FBN2: variants seen among roughly 807,000 people sequenced by gnomAD.
The protein encoded by FBN2 is fibrillin 2.
A neutral mutation model predicts 355.6 loss-of-function variants in FBN2; 105 were observed. The observed-to-expected ratio is 0.30, with a 90% CI of 0.25 to 0.35. The LOEUF is 0.35. Ranked by LOEUF, FBN2 falls within the 10% of genes least tolerant of loss-of-function variation. FBN2 has a pLI of 1.00. For missense variants in FBN2, 3,280 were observed against 3,758.7 expected, an observed-to-expected ratio of 0.87 and a Z score of 3.33; for synonymous variants, 1,350 against 1,301.2, an observed-to-expected ratio of 1.04 and a Z score of -0.81.
chr5:128,407,644 T>C (rs551457563), intron 8 of FBN2, among the ~76,000 whole-genome samples: 158 of 152,352 alleles, frequency 1.0e-3, no homozygotes, highest in African/African-American at 3.7e-3. Context: ...AGGCAGGATT[T>C]GTATCTCTTA....
At chr5:128,279,423 A>G (rs1406056445) in intron 56 of FBN2, among the ~76,000 whole-genome samples, 1 of 152,164 alleles carries the variant, frequency 6.6e-6, no homozygotes, top group Non-Finnish European at 1.5e-5. Flanking sequence ...TACACTTTAT[A>G]TGTAGGTTAC....
In FBN2 at chr5:128,330,653, T is replaced by C. The variant is rs763753258; in HGVS notation, c.4265A>G (p.Asn1422Ser). 5 of 1,613,762 alleles carry C rather than the reference T, an allele frequency of 3.1e-6. No homozygotes were observed. Among genetic ancestry groups the C allele is most frequent in the Non-Finnish European group, 4.2e-6 (5 of 1,179,796 alleles). The change falls in exon 33 of 65, where the codon AAT becomes AGT. Residue 1422 changes from asparagine to serine, a missense_variant. By Grantham distance (46) the Asn-to-Ser change is conservative. Transcript: ENST00000262464. ...CSNGTHQCSI[N>S]AQCVNTPGSY... is the part of the protein sequence containing the mutation. Reference sequence around the variant, plus strand: ...GCCCGGGGTATTTACACACTGAGCATTGATGCTACACTGGTGGGTTCCATT... The same window carrying C: ...GCCCGGGGTATTTACACACTGAGCACTGATGCTACACTGGTGGGTTCCATT...
intron 5 of FBN2, among the ~76,000 whole-genome samples, chr5:128,496,233 A>G (rs1007383466): frequency 1.3e-5 from 2 of 152,152 alleles, no homozygotes; most frequent in African/African-American, 4.8e-5. Flanking sequence ...TATCAAAAGA[A>G]AAGAAAACTA....
In FBN2 at chr5:128,392,007, C is replaced by T. The variant is rs764727893; in HGVS notation, c.1603+11G>A. 13 of 1,612,646 alleles carry T rather than the reference C, an allele frequency of 8.1e-6. No individual in the cohort carries two copies. The highest frequency in any genetic ancestry group is 9.3e-6 in the Non-Finnish European group (11 of 1,178,838). Reference sequence around the variant, plus strand: ...AAACTAAGAAGGATTATTAAAGAATCACAAACTTACCTATACAATCTCCAT... The same window carrying T: ...AAACTAAGAAGGATTATTAAAGAATTACAAACTTACCTATACAATCTCCAT... On this transcript the variant is annotated intron_variant, in intron 11 of 64. Transcript: ENST00000262464.
At chr5:128,480,262 C>G (rs1259163979) in intron 5 of FBN2, among the ~76,000 whole-genome samples, 1 of 150,318 alleles carries the variant, frequency 6.7e-6, no homozygotes, top group Non-Finnish European at 1.5e-5. Flanking sequence ...TATCTTCTAT[C>G]TAGGAATCTC....
chr5:128,492,569 G>C (rs1013957779), intron 5 of FBN2, among the ~76,000 whole-genome samples: 4 of 152,190 alleles, frequency 2.6e-5, no homozygotes, highest in African/African-American at 9.6e-5. Context: ...TTGGGAGGCT[G>C]AGGCGGGTGG....
Position 128,278,624 on chromosome 5 carries a change from C to G in FBN2, c.7345+11G>C, listed in dbSNP as rs1272106842. On this transcript the variant is annotated intron_variant, in intron 57 of 64. Transcript: ENST00000262464. ...TGTTGATTATATGAATAAATTTCCTCAACTCCTTACCTCTTCCATCAGTTG... is the reference window on the plus strand; with the variant it reads ...TGTTGATTATATGAATAAATTTCCTGAACTCCTTACCTCTTCCATCAGTTG... 1.2e-6 allele frequency: 2 copies of G among 1,611,626 alleles called. No individual in the cohort carries two copies. Among genetic ancestry groups the G allele is most frequent in the Admixed American group, 1.7e-5 (1 of 59,988 alleles).
At chr5:128,339,684 GC>G (rs1274495319) in intron 25 of FBN2, among the ~76,000 whole-genome samples, 1 of 152,180 alleles carries the variant, frequency 6.6e-6, no homozygotes, top group African/African-American at 2.4e-5. Context: ...AGGCAGCCAG[GC>G]CCCCATGGAA....
rs963980046 is a variant in FBN2, at chr5:128,323,074, G to A, written c.4472-4073C>T. ...CACTCATGATTTGGCTATTATTGGTGTATAGGAATGCTTGTGATTTTTGCA... is the reference window on the plus strand; with the variant it reads ...CACTCATGATTTGGCTATTATTGGTATATAGGAATGCTTGTGATTTTTGCA... On this transcript the variant is annotated intron_variant, in intron 34 of 64. Transcript: ENST00000262464. Among the ~76,000 whole-genome samples the A allele has an allele frequency of 2.0e-4, 31 of 151,586 alleles. 1 individual carries two copies. The highest frequency in any genetic ancestry group is 1.3e-3 in the Admixed American group (19 of 15,194).
intron 42 of FBN2, among the ~76,000 whole-genome samples, chr5:128,306,929 C>G (rs552489769): frequency 6.6e-6 from 1 of 152,234 alleles, no homozygotes; most frequent in South Asian, 2.1e-4. Context: ...CTACCATAAC[C>G]CAATCACCAG....
intron 7 of FBN2, among the ~76,000 whole-genome samples, chr5:128,425,211 G>A (rs1178882624): frequency 6.6e-6 from 1 of 151,996 alleles, no homozygotes; most frequent in East Asian, 1.9e-4. Flanking sequence ...TTAACATAAT[G>A]ACACTAAGCT....
intron 36 of FBN2, among the ~76,000 whole-genome samples, chr5:128,315,621 T>C (rs1446003247): frequency 6.6e-6 from 1 of 152,238 alleles, no homozygotes; most frequent in Non-Finnish European, 1.5e-5. Context: ...CTAATGACTG[T>C]ATTTCTACAT....
chr5:128,531,707 T>C (rs1422555156), intron 2 of FBN2, among the ~76,000 whole-genome samples: 6 of 142,582 alleles, frequency 4.2e-5, no homozygotes, highest in African/African-American at 1.7e-4. Context: ...TATAAGTGTA[T>C]ATATATGTAT....
At chr5:128,331,200 A>G (rs2126889830) in intron 32 of FBN2, among the ~76,000 whole-genome samples, 1 of 152,374 alleles carries the variant, frequency 6.6e-6, no homozygotes, top group East Asian at 1.9e-4. Flanking sequence ...GCCATGAAGA[A>G]AAGTTACAAG....
At position 128,427,129 on chromosome 5, in the gene FBN2, C is replaced by G. The variant is rs144107423; in HGVS notation, c.953-18330G>C. ...GATGTCTCAAATTAACCCTCTAAAA[C>G]TAAGCTCCTGAGATGGAGGTGGGAT... On this transcript the variant is annotated intron_variant, in intron 7 of 64. Coordinates refer to ENST00000262464, the MANE Select transcript of FBN2 (RefSeq NM_001999.4). Among the ~76,000 whole-genome samples, 970 of 152,218 alleles carry G rather than the reference C, an allele frequency of 6.4e-3. 11 individuals are homozygous for G. The highest frequency in any genetic ancestry group is 0.022 in the African/African-American group (909 of 41,518).
At chr5:128,278,916 G>T in intron 56 of FBN2, 75 bp from the exon 57 acceptor site, 1 of 1,225,440 alleles carries the variant, frequency 8.2e-7, no homozygotes, top group Non-Finnish European at 1.2e-6. Flanking sequence ...ATTAAGCAGG[G>T]CAGTCAAGAA....
intron 48 of FBN2, among the ~76,000 whole-genome samples, chr5:128,300,117 T>C (rs1019913120): frequency 2.0e-4 from 31 of 152,208 alleles, no homozygotes; most frequent in African/African-American, 7.5e-4. Flanking sequence ...GGCGATAGAA[T>C]TGGATAATTC....
chr5:128,298,656 C>T (rs1460972807), intron 48 of FBN2, among the ~76,000 whole-genome samples: 7 of 152,210 alleles, frequency 4.6e-5, no homozygotes, highest in Non-Finnish European at 7.3e-5. Flanking sequence ...GCATTCTTCA[C>T]GTAGTTCTCG....
At chr5:128,385,864 T>C (rs966804155) in intron 11 of FBN2, among the ~76,000 whole-genome samples, 2 of 152,152 alleles carry the variant, frequency 1.3e-5, no homozygotes, top group Non-Finnish European at 2.9e-5. Flanking sequence ...GCTCATGTCC[T>C]TTACCCATTA....
Sources: allele counts gnomAD v4.1 joint callset (sites outside exome capture counted in the v4.1 genomes callset), GRCh38; gene constraint gnomAD v4.1.1; transcripts MANE v1.5; gene names NCBI Gene and HGNC (gene_info 2026-07-23, HGNC 2026-07-21).